The following STPG2 variants were observed in gnomAD, a reference collection of about 807,000 sequenced individuals.
STPG2 encodes the protein sperm-tail PG-rich repeat-containing protein 2.
STPG2 carries 56 observed loss-of-function variants against 54.2 expected under a neutral mutation model. The observed-to-expected ratio is 1.03, with a 90% confidence interval of 0.83 to 1.29. The LOEUF (loss-of-function observed/expected upper bound fraction) is 1.29, where lower values mean the gene tolerates loss of function less well. STPG2 is among the 50% of genes most tolerant of loss of function. The probability of loss-of-function intolerance (pLI) is 0.00; values close to 1 mark genes in which losing one functional copy is unlikely to be tolerated. For missense variants in STPG2, 596 were observed against 544.9 expected (o/e 1.09, Z -0.93); for synonymous variants, 200 against 181.8 (o/e 1.10, Z -0.81).
chr4:97,506,915 A>C (rs1578350313), intron 4 of STPG2, among the ~76,000 whole-genome samples: 3 of 152,130 alleles, frequency 2.0e-5, no homozygotes. Context: ...ATGTAAATAC[A>C]AATATATCAG....
intron 7 of STPG2, among the ~76,000 whole-genome samples, chr4:97,963,613 C>G (rs1423769940): frequency 5.3e-5 from 8 of 151,898 alleles, no homozygotes; most frequent in Non-Finnish European, 1.0e-4. Flanking sequence ...CATACCTGCA[C>G]CATTGCACTC....
At chr4:97,881,953 T>C (rs2149165473) in intron 8 of STPG2, among the ~76,000 whole-genome samples, 1 of 152,232 alleles carries the variant, frequency 6.6e-6, no homozygotes, top group South Asian at 2.1e-4. Flanking sequence ...CTAATTGACT[T>C]TTCTTTTTCT....
intron 9 of STPG2, among the ~76,000 whole-genome samples, chr4:97,807,861 A>G (rs913642541): frequency 1.2e-4 from 18 of 152,040 alleles, no homozygotes; most frequent in African/African-American, 4.3e-4. Flanking sequence ...TAAAATTTTC[A>G]AAAACCAAAG....
At chr4:97,866,918 A>G (rs970836772) in intron 8 of STPG2, among the ~76,000 whole-genome samples, 1 of 151,640 alleles carries the variant, frequency 6.6e-6, no homozygotes, top group East Asian at 1.9e-4. Flanking sequence ...GGTAAAAAAA[A>G]CTTGGGCATT....
chr4:97,880,867 G>A (rs901893231), intron 8 of STPG2, among the ~76,000 whole-genome samples: 2 of 151,816 alleles, frequency 1.3e-5, no homozygotes, highest in African/African-American at 4.8e-5. Context: ...CAGTTCAGAA[G>A]GATGCTGGCA....
chr4:97,831,618 A>G (rs1181948779), intron 9 of STPG2, among the ~76,000 whole-genome samples: 1 of 151,666 alleles, frequency 6.6e-6, no homozygotes, highest in African/African-American at 2.4e-5. Flanking sequence ...AAAATAGACC[A>G]CTAACCAGAC....
intron 9 of STPG2, among the ~76,000 whole-genome samples, chr4:97,743,789 G>A (rs543867187): frequency 6.6e-5 from 10 of 151,702 alleles, no homozygotes; most frequent in South Asian, 2.1e-4. Flanking sequence ...TAGTGAGAAA[G>A]TTCATTTGCT....
At chr4:97,563,694 G>A (rs1359056361) in intron 10 of STPG2, among the ~76,000 whole-genome samples, 2 of 152,022 alleles carry the variant, frequency 1.3e-5, no homozygotes, top group African/African-American at 2.4e-5. Flanking sequence ...ATTTCGTTAT[G>A]TACCCAGTAG....
Position 97,603,330 on chromosome 4 carries a change from G to A in STPG2, c.1321-44213C>T, listed in dbSNP as rs543429376. 4.0e-5 allele frequency among the ~76,000 whole-genome samples: 6 copies of A among 151,814 alleles called. No individual in the cohort carries two copies. In the South Asian group the frequency reaches 1.0e-3, roughly 26 times the overall value. ...GAAAACAACAAATTTTGGCAAGAAT[G>A]TGTACAAATTGGAACAGTTGTACAT... On this transcript the variant is annotated intron_variant, in intron 10 of 10. Transcript: ENST00000295268.
chr4:98,096,341 G>C (rs1056824720), intron 5 of STPG2, among the ~76,000 whole-genome samples: 1 of 152,060 alleles, frequency 6.6e-6, no homozygotes, highest in Non-Finnish European at 1.5e-5. Context: ...AGGCTGCAGT[G>C]AGCCATGATT....
chr4:98,128,359 A>G, intron 3 of STPG2, 69 bp downstream of exon 3: 1 of 1,323,456 alleles, frequency 7.6e-7, no homozygotes. Context: ...ATAAGCCAGG[A>G]AAAAAAGAAA....
intron 7 of STPG2, among the ~76,000 whole-genome samples, chr4:97,970,818 A>T (rs940112863): frequency 2.0e-5 from 3 of 152,272 alleles, no homozygotes; most frequent in African/African-American, 7.2e-5. Context: ...ATGGGATCTA[A>T]TTAAACTAAA....
intron 8 of STPG2, among the ~76,000 whole-genome samples, chr4:97,913,338 T>A (rs1731751720): frequency 6.6e-6 from 1 of 152,188 alleles, no homozygotes; most frequent in African/African-American, 2.4e-5. Flanking sequence ...ACATGCTGTT[T>A]GTTTGGAATT....
chr4:97,935,684 G>A (rs1372451959), intron 8 of STPG2, among the ~76,000 whole-genome samples: 6 of 151,566 alleles, frequency 4.0e-5, no homozygotes, highest in South Asian at 2.1e-4. Flanking sequence ...CATGTAGTGC[G>A]GTTTTTAATG....
intron 8 of STPG2, among the ~76,000 whole-genome samples, chr4:97,903,842 G>A (rs981865072): frequency 1.3e-5 from 2 of 152,194 alleles, no homozygotes; most frequent in African/African-American, 4.8e-5. Flanking sequence ...GGTGACAGAT[G>A]GCACCTGGAA....
intron 5 of STPG2, among the ~76,000 whole-genome samples, chr4:98,044,193 A>G (rs188634265): frequency 5.1e-4 from 78 of 152,276 alleles, no homozygotes; most frequent in Non-Finnish European, 8.5e-4. Flanking sequence ...TAACTTTTAT[A>G]GTAGAATTAA....
At chr4:97,752,510 T>A (rs1256144168) in intron 9 of STPG2, among the ~76,000 whole-genome samples, 1 of 151,786 alleles carries the variant, frequency 6.6e-6, no homozygotes, top group Non-Finnish European at 1.5e-5. Flanking sequence ...TGTCCTCAAA[T>A]ATTGAACGTA....
intron 4 of STPG2, among the ~76,000 whole-genome samples, chr4:97,537,107 C>T (rs971268284): frequency 2.0e-5 from 3 of 152,098 alleles, no homozygotes; most frequent in Non-Finnish European, 2.9e-5. Context: ...GTCTACAGCT[C>T]CCAGTGTGAG....
chr4:97,737,185 G>C (rs1432061205), intron 9 of STPG2, among the ~76,000 whole-genome samples: 26 of 152,138 alleles, frequency 1.7e-4, no homozygotes, highest in Admixed American at 1.7e-3. Flanking sequence ...GAACAGAAAG[G>C]ACATCCACAC....
Sources: gnomAD v4.1 joint callset for allele counts (sites outside exome capture counted in the v4.1 genomes callset) on GRCh38, gnomAD v4.1.1 for gene constraint, MANE v1.5 for transcripts, NCBI Gene and HGNC (gene_info 2026-07-23, HGNC 2026-07-21) for gene names.